ARHGAP24: variants seen among roughly 807,000 people sequenced by gnomAD.
ARHGAP24 encodes the protein rho GTPase-activating protein 24.
ARHGAP24 carries 50 observed loss-of-function variants against 76.4 expected under a neutral mutation model. The ratio of observed to expected loss-of-function variants is 0.65; its 90% CI spans 0.52 to 0.83. The LOEUF is 0.83. Among genes scored for constraint, ARHGAP24 ranks in the 40% least tolerant of loss-of-function variants. The pLI is 0.00. For missense variants in ARHGAP24, 930 were observed against 914.2 expected (o/e 1.02, Z -0.22); for synonymous variants, 345 against 323.3 (o/e 1.07, Z -0.72).
chr4:85,756,536 A>C (rs1214884901), intron 3 of ARHGAP24, among the ~76,000 whole-genome samples: 1 of 152,228 alleles, frequency 6.6e-6, no homozygotes, highest in African/African-American at 2.4e-5. Flanking sequence ...ATAGTAAAAA[A>C]TGAGAAGCTT....
intron 3 of ARHGAP24, among the ~76,000 whole-genome samples, chr4:85,777,832 T>A (rs1306960603): frequency 6.6e-6 from 1 of 152,126 alleles, no homozygotes; most frequent in African/African-American, 2.4e-5. Flanking sequence ...ATTATTATAA[T>A]AAGCACATCA....
chr4:85,778,943 A>G, intron 3 of ARHGAP24: 1 of 985,458 alleles, frequency 1.0e-6, no homozygotes, highest in Non-Finnish European at 1.2e-6. Flanking sequence ...AGCTGTGCGT[A>G]GACCAGACCA....
At chr4:85,848,734 T>C (rs1731037771) in intron 3 of ARHGAP24, among the ~76,000 whole-genome samples, 1 of 152,200 alleles carries the variant, frequency 6.6e-6, no homozygotes, top group South Asian at 2.1e-4. Flanking sequence ...TTTTGTCAGC[T>C]TTGTCAAAGA....
chr4:85,909,721 C>T (rs1734962149), intron 3 of ARHGAP24, among the ~76,000 whole-genome samples: 1 of 152,160 alleles, frequency 6.6e-6, no homozygotes, highest in Admixed American at 6.5e-5. Flanking sequence ...ATGAAATGCA[C>T]AGCATCAATC....
At chr4:85,562,972 G>C (rs1479915746) in intron 1 of ARHGAP24, among the ~76,000 whole-genome samples, 2 of 152,212 alleles carry the variant, frequency 1.3e-5, no homozygotes, top group South Asian at 2.1e-4. Context: ...TCCTAGAGCA[G>C]AGCTTGAGGT....
At chr4:85,746,182 G>A (rs544890144) in intron 3 of ARHGAP24, among the ~76,000 whole-genome samples, 1 of 152,336 alleles carries the variant, frequency 6.6e-6, no homozygotes, top group South Asian at 2.1e-4. Context: ...GCAAGCTAGG[G>A]AATTGGGGCT....
At chr4:85,694,605 A>G (rs1017303546) in intron 2 of ARHGAP24, among the ~76,000 whole-genome samples, 2 of 152,316 alleles carry the variant, frequency 1.3e-5, no homozygotes, top group South Asian at 2.1e-4. Flanking sequence ...CATGGAGAAA[A>G]AAAAGCTTCT....
chr4:85,669,045 AGTT>A (rs1722733165), intron 2 of ARHGAP24, among the ~76,000 whole-genome samples: 1 of 152,076 alleles, frequency 6.6e-6, no homozygotes, highest in South Asian at 2.1e-4. Context: ...TGATTCTCTG[AGTT>A]GTTATCGCAT....
At chr4:85,724,634 C>T (rs993748559) in intron 3 of ARHGAP24, among the ~76,000 whole-genome samples, 5 of 151,016 alleles carry the variant, frequency 3.3e-5, no homozygotes, top group Non-Finnish European at 7.4e-5. Context: ...TAAAATTGAG[C>T]GTCTCAGGTC....
At chr4:85,972,959 C>T (rs4693134) in intron 6 of ARHGAP24, among the ~76,000 whole-genome samples, 30,211 of 152,132 alleles carry the variant, frequency 0.2, 3,363 homozygotes, top group South Asian at 0.39. Context: ...CTCATCCATT[C>T]ATCAGAGAGA....
In ARHGAP24 at chr4:85,935,528, A is replaced by G. The variant is rs57401277; in HGVS notation, c.392-6538A>G. On this transcript the variant is annotated intron_variant, in intron 4 of 9. Coordinates refer to ENST00000395184, the MANE Select transcript of ARHGAP24 (RefSeq NM_001025616.3). ...TAAGACAATAGTGAGAATGCCTTGGAAAAAATTATGTTTGAATTCAATTAA... is the reference window on the plus strand; with the variant it reads ...TAAGACAATAGTGAGAATGCCTTGGGAAAAATTATGTTTGAATTCAATTAA... Among the ~76,000 whole-genome samples the G allele has an allele frequency of 1.4e-4, 22 of 152,364 alleles. No homozygotes were observed. In the East Asian group the frequency reaches 2.3e-3, roughly 16 times the overall value.
intron 3 of ARHGAP24, among the ~76,000 whole-genome samples, chr4:85,752,941 A>G (rs1436590417): frequency 6.6e-6 from 1 of 152,222 alleles, no homozygotes; most frequent in Non-Finnish European, 1.5e-5. Context: ...GAGGATTTAT[A>G]TAGCCAGGGA....
intron 2 of ARHGAP24, among the ~76,000 whole-genome samples, chr4:85,703,753 T>A (rs890101904): frequency 6.6e-6 from 1 of 152,104 alleles, no homozygotes; most frequent in Non-Finnish European, 1.5e-5. Flanking sequence ...GGTAGGCTGT[T>A]ATAGCAGCCC....
At chr4:85,737,763 A>C (rs1201679539) in intron 3 of ARHGAP24, among the ~76,000 whole-genome samples, 1 of 152,178 alleles carries the variant, frequency 6.6e-6, no homozygotes, top group East Asian at 1.9e-4. Flanking sequence ...ACCAACCAAC[A>C]ATGTTAATAA....
At chr4:85,709,163 C>G (rs994029718) in intron 2 of ARHGAP24, among the ~76,000 whole-genome samples, 5 of 152,112 alleles carry the variant, frequency 3.3e-5, no homozygotes, top group African/African-American at 1.2e-4. Context: ...CTGAGCACTA[C>G]CCTTCTGCCT....
At position 85,850,192 on chromosome 4, in the gene ARHGAP24, G is replaced by A. The variant is rs184235412; in HGVS notation, c.269-73456G>A. Among the ~76,000 whole-genome samples, 12 of 151,688 alleles carry A rather than the reference G, an allele frequency of 7.9e-5. 1 individual carries two copies. Among genetic ancestry groups the A allele is most frequent in the Admixed American group, 3.9e-4 (6 of 15,208 alleles). The stretch of plus-strand genomic sequence containing the variant: ...TTAGACTTGGGAGGGTGTATGTGTC[G>A]AGGAATTTATCCATTTCTTCTAGAT... On this transcript the variant is annotated intron_variant, in intron 3 of 9. Transcript: ENST00000395184.
chr4:85,988,364 C>G (rs991939934), intron 8 of ARHGAP24, among the ~76,000 whole-genome samples: 3 of 151,560 alleles, frequency 2.0e-5, no homozygotes, highest in Admixed American at 6.6e-5. Context: ...ACATGGCATA[C>G]ATAATACATA....
At chr4:85,982,417 A>G (rs571266773) in intron 8 of ARHGAP24, among the ~76,000 whole-genome samples, 2 of 77,904 alleles carry the variant, frequency 2.6e-5, no homozygotes, top group African/African-American at 1.1e-4. Flanking sequence ...GGAAAAATGG[A>G]GAAGCAAAAT....
intron 3 of ARHGAP24, among the ~76,000 whole-genome samples, chr4:85,795,746 T>G (rs995233114): frequency 1.3e-5 from 2 of 150,262 alleles, no homozygotes; most frequent in African/African-American, 4.9e-5. Context: ...AAAAAAAAAA[T>G]TAAGCTAAGA....
Sources: gnomAD v4.1 joint callset for allele counts (sites outside exome capture counted in the v4.1 genomes callset) on GRCh38, gnomAD v4.1.1 for gene constraint, MANE v1.5 for transcripts, NCBI Gene and HGNC (gene_info 2026-07-23, HGNC 2026-07-21) for gene names.